The following MOB3B variants were observed in gnomAD, a reference collection of about 807,000 sequenced individuals.
The protein encoded by MOB3B is MOB kinase activator 3B.
Under a neutral mutation model 18.7 loss-of-function variants are expected in MOB3B, and 7 were observed. The observed-to-expected ratio is 0.37, with a 90% CI of 0.21 to 0.70. The LOEUF (loss-of-function observed/expected upper bound fraction) is 0.70. MOB3B is among the 30% of genes least tolerant of loss of function. MOB3B has a pLI of 0.52. For synonymous variants in MOB3B, 111 were observed against 99.9 expected (o/e 1.11, Z -0.66); for missense variants, 253 against 281.3 (o/e 0.90, Z 0.72).
intron 2 of MOB3B, among the ~76,000 whole-genome samples, chr9:27,438,716 G>A (rs10116724): frequency 0.29 from 43,914 of 152,014 alleles, 6,779 homozygotes; most frequent in African/African-American, 0.39. Context: ...CACTTGCGGC[G>A]CCTGAAATAA....
At chr9:27,506,108 C>T (rs573992128) in intron 1 of MOB3B, among the ~76,000 whole-genome samples, 35 of 152,298 alleles carry the variant, frequency 2.3e-4, no homozygotes, top group African/African-American at 8.2e-4. Context: ...CAGGCTGCAG[C>T]TCTGGATCGC....
At chr9:27,340,413 A>G (rs1820922063) in intron 3 of MOB3B, among the ~76,000 whole-genome samples, 1 of 152,248 alleles carries the variant, frequency 6.6e-6, no homozygotes. Context: ...TGTTTCTTAT[A>G]AAGACAGAGC....
intron 2 of MOB3B, among the ~76,000 whole-genome samples, chr9:27,380,379 C>G (rs1429892830): frequency 5.3e-5 from 8 of 151,050 alleles, no homozygotes; most frequent in African/African-American, 1.9e-4. Flanking sequence ...GCTGGGACTA[C>G]AGACGCCCGC....
chr9:27,515,050 T>C (rs1203466837), intron 1 of MOB3B, among the ~76,000 whole-genome samples: 1 of 152,208 alleles, frequency 6.6e-6, no homozygotes, highest in Admixed American at 6.5e-5. Flanking sequence ...GCCTTTTGGA[T>C]GCTATAAATA....
chr9:27,447,882 A>G lies in MOB3B; in HGVS notation c.418+7251T>C, dbSNP rs531711582. On this transcript the variant is annotated intron_variant, in intron 2 of 3. Transcript: ENST00000262244. ...GTCTCTGCATGTTTTCCAAGAATAG[A>G]CAACTGAATAAACTTGGGTAGCATC... is the stretch of plus-strand genomic sequence containing the variant. Among the ~76,000 whole-genome samples, 5 of 152,200 alleles carry G rather than the reference A, an allele frequency of 3.3e-5. No homozygotes were observed. In the South Asian group the frequency reaches 1.0e-3, roughly 32 times the overall value.
At chr9:27,518,693 G>A (rs1053948668) in intron 1 of MOB3B, among the ~76,000 whole-genome samples, 6 of 152,146 alleles carry the variant, frequency 3.9e-5, no homozygotes, top group African/African-American at 1.4e-4. Context: ...TGTCCAAAGA[G>A]CCCCTCTAAG....
chr9:27,500,941 T>C (rs1014856492), intron 1 of MOB3B, among the ~76,000 whole-genome samples: 1 of 151,886 alleles, frequency 6.6e-6, no homozygotes, highest in Non-Finnish European at 1.5e-5. Context: ...GGGCAAAGGA[T>C]ATGAACAGAC....
chr9:27,491,156 C>T (rs1376813411), intron 1 of MOB3B, among the ~76,000 whole-genome samples: 1 of 151,976 alleles, frequency 6.6e-6, no homozygotes, highest in Admixed American at 6.6e-5. Context: ...AATTAATATG[C>T]AATCCATAAC....
chr9:27,364,741 C>G (rs1358877227), intron 2 of MOB3B, among the ~76,000 whole-genome samples: 1 of 150,990 alleles, frequency 6.6e-6, no homozygotes, highest in Non-Finnish European at 1.5e-5. Context: ...ACATAAACAT[C>G]TAAAAGGTTT....
At chr9:27,524,819 A>C (rs1308420471) in intron 1 of MOB3B, 1 of 1,614,032 alleles carries the variant, frequency 6.2e-7, no homozygotes, top group African/African-American at 1.3e-5. Flanking sequence ...GCAGCCTGGA[A>C]CTGAGGAGAT....
chr9:27,424,548 T>C (rs957377195), intron 2 of MOB3B, among the ~76,000 whole-genome samples: 1 of 152,170 alleles, frequency 6.6e-6, no homozygotes, highest in African/African-American at 2.4e-5. Context: ...GAGTGATTCT[T>C]GCTATTGCCA....
At chr9:27,385,277 C>T (rs567795496) in intron 2 of MOB3B, among the ~76,000 whole-genome samples, 1 of 152,258 alleles carries the variant, frequency 6.6e-6, no homozygotes, top group South Asian at 2.1e-4. Context: ...AACAGTGATT[C>T]TTTTTTGCCA....
At chr9:27,525,028 C>T in intron 1 of MOB3B, 3 of 1,295,148 alleles carry the variant, frequency 2.3e-6, no homozygotes, top group Non-Finnish European at 3.1e-6. Context: ...CCTCCAACTT[C>T]TTTTTAAGGA....
chr9:27,341,247 C>T (rs1043348405), intron 3 of MOB3B, among the ~76,000 whole-genome samples: 43 of 152,352 alleles, frequency 2.8e-4, no homozygotes, highest in Middle Eastern at 3.4e-3. Flanking sequence ...ATGCAAGAAA[C>T]GCTGAACAAA....
At chr9:27,384,647 G>C (rs547637454) in intron 2 of MOB3B, among the ~76,000 whole-genome samples, 1 of 152,166 alleles carries the variant, frequency 6.6e-6, no homozygotes, top group African/African-American at 2.4e-5. Context: ...GGAGGTGAAC[G>C]TGCTTTAGGA....
At chr9:27,390,660 T>C (rs181454162) in intron 2 of MOB3B, among the ~76,000 whole-genome samples, 1 of 152,282 alleles carries the variant, frequency 6.6e-6, no homozygotes, top group African/African-American at 2.4e-5. Flanking sequence ...ATATATGTAT[T>C]GGAGTTCAGC....
Position 27,325,260 on chromosome 9 carries a change from T to C in MOB3B, c.*5327A>G, listed in dbSNP as rs931584382. ...ACATTTGAATACCCAAGCTCACATA[T>C]AACTGATTTCCTAAATATCATTTAA... On this transcript the variant is annotated 3_prime_UTR_variant, in exon 4 of 4. Coordinates refer to ENST00000262244, the MANE Select transcript of MOB3B (RefSeq NM_024761.5). 2.0e-5 allele frequency: 3 copies of C among 152,230 alleles called. No individual in the cohort carries two copies. Among genetic ancestry groups the C allele is most frequent in the Admixed American group, 1.3e-4 (2 of 15,286 alleles). The allele number at this position is 152,230 out of a possible 1,614,324, so 9.4% of individuals were successfully genotyped here.
intron 3 of MOB3B, among the ~76,000 whole-genome samples, chr9:27,342,197 C>T (rs1340927194): frequency 1.3e-5 from 2 of 152,144 alleles, no homozygotes; most frequent in Admixed American, 6.5e-5. Context: ...TCGCACCATG[C>T]CAATACCATG....
At position 27,483,125 on chromosome 9, in the gene MOB3B, CTTTTTTTTTTT is replaced by C. The variant is rs71492747; in HGVS notation, c.-198-27388_-198-27378del. Among the ~76,000 whole-genome samples the C allele has an allele frequency of 3.1e-3, 216 of 68,612 alleles. 3 individuals carry two copies. The highest frequency in any genetic ancestry group is 0.013 in the African/African-American group (206 of 16,412). The allele number at this position is 68,612 out of a possible 152,430, so 45.0% of individuals were successfully genotyped here. The stretch of plus-strand genomic sequence containing the variant: ...AGTAAATGTCTACAAATATACGGTA[CTTTTTTTTTTT>C]TTTTTTTTTTTTTTGAGACGGAGTC... On this transcript the variant is annotated intron_variant, in intron 1 of 3. Coordinates refer to ENST00000262244, the MANE Select transcript of MOB3B (RefSeq NM_024761.5).
Sources: allele counts gnomAD v4.1 joint callset (sites outside exome capture counted in the v4.1 genomes callset), GRCh38; gene constraint gnomAD v4.1.1; transcripts MANE v1.5; gene names NCBI Gene and HGNC (gene_info 2026-07-23, HGNC 2026-07-21).